PLEKHG1: variants seen among roughly 807,000 people sequenced by gnomAD.
PLEKHG1 encodes pleckstrin homology domain-containing family G member 1.
Under a neutral mutation model 100.8 loss-of-function variants are expected in PLEKHG1, and 44 were observed. That is an observed-to-expected ratio of 0.44 (90% confidence interval 0.34 to 0.56). The LOEUF is 0.56. Among genes scored for constraint, PLEKHG1 ranks in the 20% least tolerant of loss-of-function variants. PLEKHG1 has a pLI of 0.01. For missense variants in PLEKHG1, 1,545 were observed against 1,720.9 expected (o/e 0.90, Z 1.81); for synonymous variants, 640 against 662.5 (o/e 0.97, Z 0.52).
intron 2 of PLEKHG1, among the ~76,000 whole-genome samples, chr6:150,642,884 C>G (rs1446031930): frequency 2.0e-5 from 3 of 152,198 alleles, no homozygotes; most frequent in Non-Finnish European, 2.9e-5. Context: ...TCTATGTAAC[C>G]CCAGTGCCTA....
At chr6:150,723,691 G>C (rs939152358) in intron 1 of PLEKHG1, among the ~76,000 whole-genome samples, 5 of 152,152 alleles carry the variant, frequency 3.3e-5, no homozygotes, top group African/African-American at 7.2e-5. Context: ...AATTGTAGCA[G>C]CTGTATCATA....
Position 150,702,843 on chromosome 6 carries a change from C to G in PLEKHG1, c.-98-30741C>G, listed in dbSNP as rs140455979. 3.1e-4 allele frequency among the ~76,000 whole-genome samples: 47 copies of G among 152,278 alleles called. No individual in the cohort carries two copies. In the East Asian group the frequency reaches 9.1e-3, roughly 29 times the overall value. ...TGTTCCTTGTTGCCTCAGGGCTGTT[C>G]TGAACCCTGAAGTTCCCCCACTCTG... On this transcript the variant is annotated intron_variant, in intron 3 of 3. Coordinates refer to the PLEKHG1 transcript ENST00000367326.
intron 2 of PLEKHG1, among the ~76,000 whole-genome samples, chr6:150,736,443 A>G (rs931063947): frequency 6.6e-6 from 1 of 152,238 alleles, no homozygotes; most frequent in African/African-American, 2.4e-5. Flanking sequence ...ATCACTGCAT[A>G]CACTATGTTT....
intron 2 of PLEKHG1, among the ~76,000 whole-genome samples, chr6:150,650,309 C>T (rs1047865867): frequency 1.3e-5 from 2 of 152,164 alleles, no homozygotes; most frequent in African/African-American, 4.8e-5. Flanking sequence ...CCATTCCCTG[C>T]TTCATGGCCT....
At chr6:150,780,365 C>T (rs1255048553) in intron 3 of PLEKHG1, among the ~76,000 whole-genome samples, 2 of 152,076 alleles carry the variant, frequency 1.3e-5, no homozygotes, top group Admixed American at 6.6e-5. Context: ...CTGCCCACGT[C>T]GGCCTCCCAA....
At chr6:150,666,908 C>T (rs1395606496) in intron 3 of PLEKHG1, among the ~76,000 whole-genome samples, 1 of 151,932 alleles carries the variant, frequency 6.6e-6, no homozygotes, top group Non-Finnish European at 1.5e-5. Context: ...CTACAGGTGC[C>T]CACCACCACA....
intron 1 of PLEKHG1, among the ~76,000 whole-genome samples, chr6:150,603,110 A>G (rs1228653985): frequency 1.3e-5 from 2 of 151,222 alleles, no homozygotes; most frequent in African/African-American, 4.8e-5. Context: ...AAAAGAAAAG[A>G]AAAAATTATA....
chr6:150,803,776 G>A (rs879260539), intron 6 of PLEKHG1, among the ~76,000 whole-genome samples: 5 of 151,930 alleles, frequency 3.3e-5, no homozygotes, highest in African/African-American at 7.3e-5. Flanking sequence ...GATAGTTTTC[G>A]CTATATTTTT....
intron 2 of PLEKHG1, among the ~76,000 whole-genome samples, chr6:150,649,298 GT>G (rs1030562549): frequency 1.7e-4 from 26 of 151,978 alleles, no homozygotes; most frequent in African/African-American, 4.3e-4. Flanking sequence ...TTTTTATTAA[GT>G]TTTTTTGTTT....
intron 3 of PLEKHG1, among the ~76,000 whole-genome samples, chr6:150,681,355 T>C (rs1779925958): frequency 6.6e-6 from 1 of 151,064 alleles, no homozygotes; most frequent in African/African-American, 2.4e-5. Flanking sequence ...CTACCGAAAA[T>C]ACAAAATTTA....
chr6:150,693,100 CAACGTAGTGA>C (rs1780405954), intron 3 of PLEKHG1, among the ~76,000 whole-genome samples: 1 of 152,056 alleles, frequency 6.6e-6, no homozygotes, highest in South Asian at 2.1e-4. Flanking sequence ...CCAGCCTGGC[CAACGTAGTGA>C]AACACCATCT....
chr6:150,676,730 A>C lies in PLEKHG1; in HGVS notation c.-99+25944A>C, dbSNP rs1339536987. On this transcript the variant is annotated intron_variant, in intron 3 of 3. Coordinates refer to the PLEKHG1 transcript ENST00000367326. Reference sequence around the variant, plus strand: ...TGTTCAAAAATGTCTTCATGGAATTAATTATAATGAGAAAAAATACTTAGT... The same window carrying C: ...TGTTCAAAAATGTCTTCATGGAATTCATTATAATGAGAAAAAATACTTAGT... 3.3e-5 allele frequency among the ~76,000 whole-genome samples: 5 copies of C among 152,358 alleles called. No individual in the cohort carries two copies. In the East Asian group the frequency reaches 7.7e-4, roughly 24 times the overall value.
chr6:150,749,662 C>G (rs939758786), intron 2 of PLEKHG1, among the ~76,000 whole-genome samples: 5 of 152,058 alleles, frequency 3.3e-5, no homozygotes, highest in Non-Finnish European at 7.4e-5. Flanking sequence ...GGAGCTGGCT[C>G]TGAAGTTTCA....
intron 14 of PLEKHG1, among the ~76,000 whole-genome samples, chr6:150,824,317 A>G (rs1259333108): frequency 3.3e-5 from 5 of 152,214 alleles, no homozygotes; most frequent in Non-Finnish European, 7.3e-5. Context: ...CAGTGTGGCT[A>G]CTGATCAGTT....
chr6:150,646,376 T>C (rs1778498972), intron 2 of PLEKHG1, among the ~76,000 whole-genome samples: 1 of 152,004 alleles, frequency 6.6e-6, no homozygotes, highest in Admixed American at 6.6e-5. Flanking sequence ...TCACAGTAAT[T>C]AGGGGGATGA....
At chr6:150,680,381 G>T (rs1219422282) in intron 3 of PLEKHG1, among the ~76,000 whole-genome samples, 1 of 152,202 alleles carries the variant, frequency 6.6e-6, no homozygotes, top group Non-Finnish European at 1.5e-5. Flanking sequence ...GACATTCCTT[G>T]GAAGAGGGTC....
At chr6:150,753,369 C>G (rs546161348) in intron 2 of PLEKHG1, among the ~76,000 whole-genome samples, 2 of 152,160 alleles carry the variant, frequency 1.3e-5, no homozygotes, top group East Asian at 3.9e-4. Context: ...TTGAAAAAAG[C>G]CTTTATCTCT....
At chr6:150,723,166 T>G (rs1390869281) in intron 1 of PLEKHG1, among the ~76,000 whole-genome samples, 3 of 152,126 alleles carry the variant, frequency 2.0e-5, no homozygotes, top group Non-Finnish European at 4.4e-5. Flanking sequence ...AAAGATTGGA[T>G]GAGACTTGGA....
intron 3 of PLEKHG1, chr6:150,662,779 T>C (rs1004378979): frequency 1.3e-5 from 2 of 152,190 alleles, no homozygotes; most frequent in Non-Finnish European, 2.9e-5. Flanking sequence ...AGTAAAACGC[T>C]GCATTCTCAC....
Sources: allele counts gnomAD v4.1 joint callset (sites outside exome capture counted in the v4.1 genomes callset), GRCh38; gene constraint gnomAD v4.1.1; transcripts MANE v1.5; gene names NCBI Gene and HGNC (gene_info 2026-07-23, HGNC 2026-07-21).